The following PCDHGB1 variants were observed in gnomAD, a reference collection of about 807,000 sequenced individuals.
PCDHGB1 encodes the protein protocadherin gamma subfamily B, 1.
PCDHGB1 carries 34 observed loss-of-function variants against 56.6 expected under a neutral mutation model. The ratio of observed to expected loss-of-function variants is 0.60; its 90% CI spans 0.46 to 0.80. The LOEUF (loss-of-function observed/expected upper bound fraction) is 0.80, where lower values mean the gene tolerates loss of function less well. Among genes scored for constraint, PCDHGB1 ranks in the 30% least tolerant of loss-of-function variants. PCDHGB1 has a pLI of 0.00. For missense variants in PCDHGB1, 1,278 were observed against 1,204.6 expected, an observed-to-expected ratio of 1.06 and a Z score of -0.90; for synonymous variants, 561 against 505.9, an observed-to-expected ratio of 1.11 and a Z score of -1.46.
At chr5:141,395,138 C>A (rs147992300) in intron 1 of PCDHGB1, 1 of 1,614,204 alleles carries the variant, frequency 6.2e-7, no homozygotes, top group African/African-American at 1.3e-5. Flanking sequence ...AGCCCAACTA[C>A]GCAGACATGC....
intron 1 of PCDHGB1, chr5:141,419,113 C>A: frequency 6.2e-7 from 1 of 1,613,872 alleles, no homozygotes; most frequent in Non-Finnish European, 8.5e-7. Flanking sequence ...CCCCAGAGTA[C>A]AACGTCACCA....
At chr5:141,499,686 T>C (rs1400567357) in intron 2 of PCDHGB1, among the ~76,000 whole-genome samples, 2 of 149,346 alleles carry the variant, frequency 1.3e-5, no homozygotes, top group East Asian at 2.0e-4. Context: ...CTTTAACAGA[T>C]GACTTTTTTT....
intron 2 of PCDHGB1, among the ~76,000 whole-genome samples, chr5:141,501,290 T>TACAC (rs55762287): frequency 0.051 from 6,975 of 136,060 alleles, 192 homozygotes; most frequent in African/African-American, 0.071. Context: ...TATTCCCTTA[T>TACAC]ACACACACAC....
chr5:141,437,765 G>C (rs1561886251), intron 1 of PCDHGB1, among the ~76,000 whole-genome samples: 1 of 148,074 alleles, frequency 6.8e-6, no homozygotes, highest in African/African-American at 2.5e-5. Flanking sequence ...TTGAGACAGA[G>C]TCTCAATCTG....
At chr5:141,376,211 G>A (rs1772408440) in intron 1 of PCDHGB1, 1 of 1,614,180 alleles carries the variant, frequency 6.2e-7, no homozygotes, top group Admixed American at 1.7e-5. Context: ...CTTCGTCATC[G>A]TGCTGCTGGC....
intron 1 of PCDHGB1, chr5:141,375,053 G>T: frequency 1.2e-6 from 2 of 1,614,046 alleles, no homozygotes; most frequent in South Asian, 2.2e-5. Context: ...AGCCCGGGAT[G>T]GGCCAGGTCT....
intron 1 of PCDHGB1, chr5:141,388,571 C>G: frequency 9.3e-6 from 15 of 1,613,830 alleles, no homozygotes; most frequent in Non-Finnish European, 1.2e-5. Flanking sequence ...CACAGATACA[C>G]GTTCTAGTGA....
At chr5:141,423,025 G>A in intron 1 of PCDHGB1, 1 of 1,614,222 alleles carries the variant, frequency 6.2e-7, no homozygotes, top group Non-Finnish European at 8.5e-7. Context: ...CAAAGATTCA[G>A]GCCAGAACGC....
chr5:141,502,087 C>T (rs1289663374), intron 2 of PCDHGB1, among the ~76,000 whole-genome samples: 1 of 152,180 alleles, frequency 6.6e-6, no homozygotes, highest in Admixed American at 6.5e-5. Context: ...GGGCTGAGAA[C>T]ACCTGGCCTT....
chr5:141,414,134 A>G, intron 1 of PCDHGB1: 1 of 1,595,028 alleles, frequency 6.3e-7, no homozygotes, highest in Non-Finnish European at 8.5e-7. Flanking sequence ...GGTTTCTATG[A>G]AATAGAAATA....
At chr5:141,399,053 A>G (rs2093744168) in intron 1 of PCDHGB1, 2 of 1,613,630 alleles carry the variant, frequency 1.2e-6, no homozygotes, top group East Asian at 2.2e-5. Context: ...GAAGAGACCA[A>G]GGAATATTCA....
At chr5:141,371,789 T>G in intron 1 of PCDHGB1, 1 of 1,613,924 alleles carries the variant, frequency 6.2e-7, no homozygotes. Flanking sequence ...CTGAGAACAA[T>G]CCGCCTGGAG....
intron 1 of PCDHGB1, among the ~76,000 whole-genome samples, chr5:141,437,923 A>G (rs893873818): frequency 2.0e-5 from 3 of 152,110 alleles, no homozygotes; most frequent in African/African-American, 7.2e-5. Context: ...TTTTTAGTAG[A>G]GATGGGGTTT....
chr5:141,382,749 G>C, intron 1 of PCDHGB1: 1 of 612,214 alleles, frequency 1.6e-6, no homozygotes, highest in Non-Finnish European at 2.8e-6. Context: ...GACAGATTGC[G>C]ATAAGCCCTC....
In PCDHGB1 at chr5:141,376,747, C is replaced by A. The variant is rs532627412; in HGVS notation, c.2409+24078C>A. 2,536 of 471,218 alleles carry A rather than the reference C, an allele frequency of 5.4e-3. 48 individuals carry two copies. The highest frequency in any genetic ancestry group is 0.052 in the African/African-American group (2,354 of 45,460). The allele number at this position is 471,218 out of a possible 1,614,324, so 29.2% of individuals were successfully genotyped here. ...CAGGCCGGACTGCGGACTGCAGTGG[C>A]GCAATCTCGGCTCACTGCAAGCTCC... On this transcript the variant is annotated intron_variant, in intron 1 of 3. Transcript: ENST00000523390.
chr5:141,421,160 A>T, intron 1 of PCDHGB1: 1 of 1,250,104 alleles, frequency 8.0e-7, no homozygotes, highest in Non-Finnish European at 1.1e-6. Flanking sequence ...CTAGGACTTC[A>T]TAGATACATA....
Position 141,352,027 on chromosome 5 carries a change from G to A in PCDHGB1, c.1767G>A (p.Ala589=), listed in dbSNP as rs764316289. Reference sequence around the variant, plus strand: ...GCTACCTGGTGACCAAGGTGGTGGCGGTGGACGCAGACTCAGGACACAACG... The same window carrying A: ...GCTACCTGGTGACCAAGGTGGTGGCAGTGGACGCAGACTCAGGACACAACG... The part of the protein sequence containing the change: ...EPGYLVTKVV[A]VDADSGHNAW... Residue 589 remains alanine (A), a synonymous_variant, in exon 1 of 4, where the codon GCG becomes GCA. Transcript: ENST00000523390. 8 of 1,609,132 alleles carry A rather than the reference G, an allele frequency of 5.0e-6. No individual in the cohort carries two copies. The South Asian group carries it at 8.8e-5, about 18-fold the overall frequency.
chr5:141,495,943 CTGT>C (rs1324780860), intron 2 of PCDHGB1, among the ~76,000 whole-genome samples: 1 of 152,010 alleles, frequency 6.6e-6, no homozygotes, highest in Non-Finnish European at 1.5e-5. Flanking sequence ...GTCTCTGTGC[CTGT>C]TGTCTTTTTC....
intron 1 of PCDHGB1, chr5:141,372,040 G>C (rs1768337326): frequency 6.2e-7 from 1 of 1,613,472 alleles, no homozygotes; most frequent in Middle Eastern, 1.7e-4. Flanking sequence ...GTGAGCCTGC[G>C]CGTGTTGGTG....
Sources: gnomAD v4.1 joint callset for allele counts (sites outside exome capture counted in the v4.1 genomes callset) on GRCh38, gnomAD v4.1.1 for gene constraint, MANE v1.5 for transcripts, NCBI Gene and HGNC (gene_info 2026-07-23, HGNC 2026-07-21) for gene names.